The following LPXN variants were observed in gnomAD, a reference collection of about 807,000 sequenced individuals.
LPXN encodes leupaxin.
LPXN carries 28 observed loss-of-function variants against 45.6 expected under a neutral mutation model. That is an observed-to-expected ratio of 0.61 (90% CI 0.45 to 0.84). LPXN has a LOEUF of 0.84. LPXN is among the 40% of genes least tolerant of loss of function. The pLI, the probability that LPXN is intolerant of heterozygous loss-of-function variation, is 0.00. For synonymous variants in LPXN, 166 were observed against 169.9 expected (o/e 0.98, Z 0.18); for missense variants, 459 against 475.0 (o/e 0.97, Z 0.31).
At chr11:58,548,557 T>A (rs1277231703) in intron 7 of LPXN, among the ~76,000 whole-genome samples, 1 of 152,108 alleles carries the variant, frequency 6.6e-6, no homozygotes, top group East Asian at 1.9e-4. Flanking sequence ...CAATAAAAAC[T>A]AAGCCAATTT....
At chr11:58,558,515 C>T (rs888965803) in intron 3 of LPXN, among the ~76,000 whole-genome samples, 1 of 84,354 alleles carries the variant, frequency 1.2e-5, no homozygotes, top group Non-Finnish European at 2.1e-5. Context: ...CCAGCCTGGA[C>T]AACAGAAGCA....
chr11:58,529,273 CTGAGTA>C (rs1209868769), intron 7 of LPXN, among the ~76,000 whole-genome samples: 8 of 152,026 alleles, frequency 5.3e-5, no homozygotes, highest in Non-Finnish European at 1.2e-4. Flanking sequence ...TATTCCACTC[CTGAGTA>C]TATGTATGGT....
chr11:58,533,514 G>GT, intron 7 of LPXN, among the ~76,000 whole-genome samples: 1 of 152,328 alleles, frequency 6.6e-6, no homozygotes, highest in African/African-American at 2.4e-5. Flanking sequence ...AAGAGCTCCT[G>GT]AAGGAAGCAC....
intron 2 of LPXN, among the ~76,000 whole-genome samples, chr11:58,564,420 AC>A (rs1854469207): frequency 6.6e-6 from 1 of 152,336 alleles, no homozygotes; most frequent in Admixed American, 6.5e-5. Context: ...GTGAACAAAC[AC>A]TAGCAGCCCC....
At chr11:58,560,692 T>C (rs1438173059) in intron 3 of LPXN, among the ~76,000 whole-genome samples, 1 of 152,216 alleles carries the variant, frequency 6.6e-6, no homozygotes, top group Non-Finnish European at 1.5e-5. Context: ...CTAGGTATTA[T>C]CACCTCCAAA....
chr11:58,558,107 C>T (rs756611263), intron 3 of LPXN, among the ~76,000 whole-genome samples: 2 of 149,274 alleles, frequency 1.3e-5, no homozygotes, highest in East Asian at 2.0e-4. Context: ...CCTGGAGTTG[C>T]GAACAACCTG....
At chr11:58,547,830 C>A (rs1393466310) in intron 7 of LPXN, among the ~76,000 whole-genome samples, 1 of 152,066 alleles carries the variant, frequency 6.6e-6, no homozygotes, top group Non-Finnish European at 1.5e-5. Context: ...CAGAGGACTG[C>A]ACAAGCTTTT....
intron 1 of LPXN, among the ~76,000 whole-genome samples, chr11:58,571,959 ATATAT>A (rs1854716798): frequency 6.6e-6 from 1 of 152,186 alleles, no homozygotes; most frequent in Non-Finnish European, 1.5e-5. Context: ...CTCCTGTCTT[ATATAT>A]ATTCTCTGGG....
intron 7 of LPXN, among the ~76,000 whole-genome samples, chr11:58,546,589 T>C (rs1426742939): frequency 6.6e-6 from 1 of 152,162 alleles, no homozygotes; most frequent in African/African-American, 2.4e-5. Context: ...CCTAAGATTG[T>C]CATATTCAGG....
At chr11:58,547,177 C>T (rs1853899873) in intron 7 of LPXN, among the ~76,000 whole-genome samples, 1 of 152,164 alleles carries the variant, frequency 6.6e-6, no homozygotes, top group Non-Finnish European at 1.5e-5. Context: ...ATTATAACTC[C>T]ACTGGCTGTC....
upstream of LPXN, chr11:58,578,195 T>A: frequency 9.7e-7 from 1 of 1,029,570 alleles, no homozygotes; most frequent in Non-Finnish European, 1.4e-6. Flanking sequence ...AGACCAGCAA[T>A]TGGCTCGACG....
At chr11:58,548,805 C>A (rs1012098106) in intron 7 of LPXN, among the ~76,000 whole-genome samples, 1 of 152,088 alleles carries the variant, frequency 6.6e-6, no homozygotes, top group African/African-American at 2.4e-5. Context: ...ATACCACAAC[C>A]CAGATTTGAA....
upstream of LPXN, chr11:58,575,871 A>T: frequency 6.2e-7 from 1 of 1,612,124 alleles, no homozygotes; most frequent in Non-Finnish European, 8.5e-7. Flanking sequence ...GAGACAGCAT[A>T]AGGCAGCCTC....
chr11:58,557,636 A>G (rs1478164176), intron 3 of LPXN, among the ~76,000 whole-genome samples: 1 of 152,240 alleles, frequency 6.6e-6, no homozygotes, highest in African/African-American at 2.4e-5. Flanking sequence ...AATGTACAAC[A>G]TAAGAACTAT....
At chr11:58,578,837 T>G (rs1590602685), upstream of LPXN, among the ~76,000 whole-genome samples, 1 of 151,206 alleles carries the variant, frequency 6.6e-6, no homozygotes, top group Non-Finnish European at 1.5e-5. Flanking sequence ...CGCGTTGAAG[T>G]CTGGAGGGGG....
At chr11:58,528,976 T>A (rs1052944046) in intron 7 of LPXN, among the ~76,000 whole-genome samples, 13 of 152,226 alleles carry the variant, frequency 8.5e-5, no homozygotes, top group African/African-American at 3.1e-4. Flanking sequence ...ATGTTATCTA[T>A]CTATACAATG....
intron 7 of LPXN, among the ~76,000 whole-genome samples, chr11:58,541,667 T>C (rs1314462936): frequency 1.3e-5 from 2 of 150,522 alleles, no homozygotes; most frequent in Non-Finnish European, 3.0e-5. Flanking sequence ...AAATACCATT[T>C]GACCCAGCCA....
intron 1 of LPXN, 138 bp downstream of exon 1, chr11:58,575,622 G>A (rs1854861158): frequency 1.0e-6 from 1 of 1,002,894 alleles, no homozygotes; most frequent in Non-Finnish European, 1.6e-6. Flanking sequence ...ACTCTTGGCA[G>A]GGCTGAGGAC....
chr11:58,551,298 G>C, intron 4 of LPXN, 66 bp from the exon 5 acceptor site: 1 of 1,384,778 alleles, frequency 7.2e-7, no homozygotes, highest in East Asian at 2.7e-5. Context: ...ATCTTCTAAT[G>C]ACTCTATAAA....
Sources: gnomAD v4.1 joint callset for allele counts (sites outside exome capture counted in the v4.1 genomes callset) on GRCh38, gnomAD v4.1.1 for gene constraint, MANE v1.5 for transcripts, NCBI Gene and HGNC (gene_info 2026-07-23, HGNC 2026-07-21) for gene names.